MADD: variants seen among roughly 807,000 people sequenced by gnomAD.
MADD encodes the protein MAP kinase-activating death domain protein.
Under a neutral mutation model 176.7 loss-of-function variants are expected in MADD, and 109 were observed. That is an observed-to-expected ratio of 0.62 (90% confidence interval 0.53 to 0.72). The LOEUF (loss-of-function observed/expected upper bound fraction) is 0.72, where lower values mean the gene tolerates loss of function less well. MADD is among the 30% of genes least tolerant of loss of function. MADD has a pLI of 0.00. For synonymous variants in MADD, 771 were observed against 771.3 expected (o/e 1.00, Z 0.01); for missense variants, 1,914 against 2,045.5 (o/e 0.94, Z 1.24).
intron 3 of MADD, 132 bp downstream of exon 3, chr11:47,275,291 G>T (rs1396477254): frequency 2.4e-6 from 2 of 826,748 alleles, no homozygotes; most frequent in African/African-American, 3.4e-5. Flanking sequence ...AGAGTATTTA[G>T]AGTTAATCTT....
exon 33 of MADD, chr11:47,329,063 C>T: frequency 6.2e-7 from 1 of 1,614,130 alleles, no homozygotes; most frequent in Non-Finnish European, 8.5e-7. Flanking sequence ...AAATCTGCTA[C>T]TCCGTATTAT....
exon 13 of MADD, chr11:47,285,147 G>A (rs1362188023): frequency 1.9e-6 from 3 of 1,614,098 alleles, no homozygotes; most frequent in Non-Finnish European, 2.5e-6. Context: ...AGGATGAGCA[G>A]GGGGAAAGTT....
Position 47,276,893 on chromosome 11 carries a change from C to T in MADD, c.1095+30C>T, listed in dbSNP as rs1212152633. The T allele has an allele frequency of 2.5e-6, 4 of 1,612,010 alleles. No homozygotes were observed. The African/African-American group carries it at 5.3e-5, about 22-fold the overall frequency. ...GTCTCAAGGCGACTTCCGGCTTTCT[C>T]ACCTCTGTCTTCCTGAGGGAGGAGG... is the stretch of plus-strand genomic sequence containing the variant. On this transcript the variant is annotated intron_variant, in intron 5 of 32. Transcript: ENST00000402192.
chr11:47,324,053 T>G (rs2142107727), intron 28 of MADD: 2 of 644,774 alleles, frequency 3.1e-6, no homozygotes, highest in Non-Finnish European at 5.4e-6. Flanking sequence ...CCTACACATC[T>G]GTACCCATGC....
exon 13 of MADD, chr11:47,285,054 A>G: frequency 1.2e-6 from 2 of 1,614,092 alleles, no homozygotes; most frequent in Non-Finnish European, 1.7e-6. Context: ...GTCAGGCAGA[A>G]ATTGGAGAGG....
At chr11:47,298,170 A>T (rs1195241123) in intron 22 of MADD, among the ~76,000 whole-genome samples, 1 of 152,230 alleles carries the variant, frequency 6.6e-6, no homozygotes, top group Admixed American at 6.5e-5. Context: ...CTAGCCTGCT[A>T]TACTTCCTGT....
rs969107201 is a variant in MADD, at chr11:47,278,892, G to A, written c.1210-107G>A. 6.7e-5 allele frequency: 56 copies of A among 839,530 alleles called. No homozygotes were observed. In the African/African-American group the frequency reaches 7.2e-4, roughly 11 times the overall value. 52.0% of individuals were successfully genotyped at this position (839,530 alleles called of 1,614,324 possible). A position where few individuals can be genotyped will look rare whatever the true frequency, so the allele number is the denominator to read the frequency against. ...CTGTGCAGTTATATAATGTATATTC[G>A]TTTATATAATAATAATGTATATACG... is the stretch of plus-strand genomic sequence containing the variant. On this transcript the variant is annotated intron_variant, in intron 6 of 32. Coordinates refer to ENST00000402192, the Ensembl canonical transcript of MADD.
chr11:47,314,919 T>C (rs1594837923), intron 26 of MADD, among the ~76,000 whole-genome samples: 1 of 876 alleles, frequency 1.1e-3, no homozygotes, highest in Non-Finnish European at 3.5e-3. Context: ...TGGGTTATAT[T>C]AATCATTAAT....
At chr11:47,328,025 CTGGGTGTGT>C in intron 31 of MADD, 1 of 990,074 alleles carries the variant, frequency 1.0e-6, no homozygotes. Flanking sequence ...CTGTCTTCTG[CTGGGTGTGT>C]TGCTCCAGAG....
chr11:47,325,015 G>A lies in MADD; in HGVS notation c.4542+438G>A. The A allele has an allele frequency of 2.3e-5, 12 of 520,708 alleles. No individual in the cohort carries two copies. Among genetic ancestry groups the A allele is most frequent in the East Asian group, 3.4e-5 (1 of 29,638 alleles). The allele number at this position is 520,708 out of a possible 1,614,324, so 32.3% of individuals were successfully genotyped here. On this transcript the variant is annotated intron_variant, in intron 30 of 32. Coordinates refer to ENST00000402192, the Ensembl canonical transcript of MADD. This position sits in a 1 kb window ranked among gnomAD's most constrained non-coding sequence, Gnocchi z 4.5. Reference sequence around the variant, plus strand: ...GTGCAGCTTGCGTGTGCGTGCGTGCGTGCCTGCGTGCTTGTGTGTAAGTAG... The same window carrying A: ...GTGCAGCTTGCGTGTGCGTGCGTGCATGCCTGCGTGCTTGTGTGTAAGTAG...
intron 22 of MADD, among the ~76,000 whole-genome samples, chr11:47,303,346 A>G (rs1426430903): frequency 7.1e-6 from 1 of 141,564 alleles, no homozygotes; most frequent in Admixed American, 7.7e-5. Context: ...GGTTCACACC[A>G]TTCTACCTCA....
intron 15 of MADD, among the ~76,000 whole-genome samples, 192 bp downstream of exon 15, chr11:47,286,726 A>T (rs2060880054): frequency 1.3e-5 from 2 of 152,120 alleles, no homozygotes; most frequent in Admixed American, 1.3e-4. Flanking sequence ...GTAGCTAGAG[A>T]CGGCCCTGTT....
exon 19 of MADD, chr11:47,290,643 G>GTGT: frequency 3.1e-6 from 5 of 1,614,040 alleles, no homozygotes; most frequent in Non-Finnish European, 4.2e-6. Flanking sequence ...CCAACAGAAA[G>GTGT]TGTAAATACC....
rs141833080 is a variant in MADD, at chr11:47,297,339, A to G, written c.3642+1284A>G. 4.2e-3 allele frequency among the ~76,000 whole-genome samples: 641 copies of G among 152,206 alleles called. 3 individuals are homozygous for G. Among genetic ancestry groups the G allele is most frequent in the Admixed American group, 7.8e-3 (119 of 15,288 alleles). ...AGATTGGGAATAGGACTGAGAGGCT[A>G]CTCAAGTTAATGGGCCTTAACTCTC... On this transcript the variant is annotated intron_variant, in intron 22 of 32. Coordinates refer to ENST00000402192, the Ensembl canonical transcript of MADD.
At chr11:47,318,839 A>C (rs2093788097) in intron 27 of MADD, among the ~76,000 whole-genome samples, 1 of 109,390 alleles carries the variant, frequency 9.1e-6, no homozygotes, top group Non-Finnish European at 1.7e-5. Flanking sequence ...ACAGAGTCTC[A>C]CTCTGTTGCC....
chr11:47,312,404 C>CCG (rs1046332201), intron 26 of MADD, among the ~76,000 whole-genome samples: 29 of 151,824 alleles, frequency 1.9e-4, no homozygotes, highest in African/African-American at 6.8e-4. Flanking sequence ...ATGTGCCCGC[C>CCG]CACCCAGCTA....
At chr11:47,270,699 C>T (rs959259325) in intron 1 of MADD, 5 of 152,122 alleles carry the variant, frequency 3.3e-5, no homozygotes, top group African/African-American at 1.2e-4. Context: ...TCAAAATTGA[C>T]TTGCTGGAGA....
intron 5 of MADD, 31 bp downstream of exon 5, chr11:47,276,894 A>G (rs770228154): frequency 2.5e-6 from 4 of 1,611,612 alleles, no homozygotes; most frequent in South Asian, 2.2e-5. Flanking sequence ...CGGCTTTCTC[A>G]CCTCTGTCTT....
At chr11:47,323,942 T>TC (rs2094984513) in intron 28 of MADD, 107 bp downstream of exon 31, 2 of 1,265,660 alleles carry the variant, frequency 1.6e-6, no homozygotes, top group Non-Finnish European at 2.2e-6. Flanking sequence ...GAGCCACACT[T>TC]CTGTCTCCAG....
Sources: allele counts gnomAD v4.1 joint callset (sites outside exome capture counted in the v4.1 genomes callset), GRCh38; gene constraint gnomAD v4.1.1; non-coding constraint Gnocchi (gnomAD v3.1); transcripts MANE v1.5; gene names NCBI Gene and HGNC (gene_info 2026-07-23, HGNC 2026-07-21).